The following RALGAPA2 variants were observed in gnomAD, a reference collection of about 807,000 sequenced individuals.
RALGAPA2 encodes the protein ral GTPase-activating protein subunit alpha-2.
A neutral mutation model predicts 230.4 loss-of-function variants in RALGAPA2; 139 were observed. The observed-to-expected ratio is 0.60, with a 90% CI of 0.53 to 0.69. The LOEUF is 0.69. Ranked by LOEUF, RALGAPA2 falls within the 30% of genes least tolerant of loss-of-function variation. RALGAPA2 has a pLI of 0.00. For missense variants in RALGAPA2, 2,163 were observed against 2,276.0 expected (o/e 0.95, Z 1.01); for synonymous variants, 847 against 837.8 (o/e 1.01, Z -0.19).
At chr20:20,642,315 A>G (rs973313079) in intron 5 of RALGAPA2, among the ~76,000 whole-genome samples, 11 of 152,100 alleles carry the variant, frequency 7.2e-5, no homozygotes, top group Middle Eastern at 3.4e-3. Flanking sequence ...GGTGGAAGCA[A>G]TTCTCCTGCC....
At chr20:20,677,628 C>CCTT (rs1568741580) in intron 2 of RALGAPA2, among the ~76,000 whole-genome samples, 1 of 121,840 alleles carries the variant, frequency 8.2e-6, no homozygotes, top group African/African-American at 3.4e-5. Context: ...TGATTTGACC[C>CCTT]ATTTTTTTTT....
intron 9 of RALGAPA2, 31 bp from the exon 10 acceptor site, chr20:20,629,621 T>C (rs2146418405): frequency 6.2e-7 from 1 of 1,604,076 alleles, no homozygotes; most frequent in Non-Finnish European, 8.5e-7. Flanking sequence ...TTCTCAATGA[T>C]GCTCACCCCC....
At chr20:20,604,332 G>A (rs2065751578) in intron 15 of RALGAPA2, among the ~76,000 whole-genome samples, 1 of 152,178 alleles carries the variant, frequency 6.6e-6, no homozygotes. Context: ...AACTACCACT[G>A]ATGTTTTCTA....
intron 23 of RALGAPA2, among the ~76,000 whole-genome samples, chr20:20,557,240 C>T (rs1267501829): frequency 2.0e-5 from 3 of 151,754 alleles, no homozygotes; most frequent in African/African-American, 7.3e-5. Context: ...ACCCAGGAGG[C>T]GGAGGTTGCA....
chr20:20,508,600 A>G (rs2062605038), intron 33 of RALGAPA2, among the ~76,000 whole-genome samples: 2 of 152,232 alleles, frequency 1.3e-5, no homozygotes, highest in African/African-American at 4.8e-5. Context: ...CAACTTTTCC[A>G]AAGAACATGT....
At position 20,712,610 on chromosome 20, in the gene RALGAPA2, G is replaced by C; in HGVS notation, c.-130C>G. 2 of 1,183,334 alleles carry C rather than the reference G, an allele frequency of 1.7e-6. No individual in the cohort carries two copies. The highest frequency in any genetic ancestry group is 2.1e-6 in the Non-Finnish European group (2 of 951,042). The allele number at this position is 1,183,334 out of a possible 1,614,324, so 73.3% of individuals were successfully genotyped here. ...CGCCCCCAGCCCCGCTGCTGCCGCCGCCGCCGCCGCCGCCGCCGCCTCAGC... is the reference window on the plus strand; with the variant it reads ...CGCCCCCAGCCCCGCTGCTGCCGCCCCCGCCGCCGCCGCCGCCGCCTCAGC... On this transcript the variant is annotated 5_prime_UTR_variant, in exon 1 of 40. Coordinates refer to ENST00000202677, the MANE Select transcript of RALGAPA2 (RefSeq NM_020343.4). This position sits in a 1 kb window ranked among gnomAD's most constrained non-coding sequence, Gnocchi z 5.5.
chr20:20,685,642 T>C (rs1187591598), intron 1 of RALGAPA2, among the ~76,000 whole-genome samples: 2 of 151,958 alleles, frequency 1.3e-5, no homozygotes, highest in South Asian at 2.1e-4. Context: ...GTCAGGAATA[T>C]AAAAGAAATA....
At chr20:20,646,332 G>A (rs755083480) in intron 4 of RALGAPA2, among the ~76,000 whole-genome samples, 5 of 152,126 alleles carry the variant, frequency 3.3e-5, no homozygotes, top group South Asian at 2.1e-4. Flanking sequence ...CCCTCTGTAG[G>A]TATTTTTTAA....
chr20:20,537,321 T>C (rs1175928199), intron 24 of RALGAPA2, among the ~76,000 whole-genome samples: 1 of 152,128 alleles, frequency 6.6e-6, no homozygotes, highest in Non-Finnish European at 1.5e-5. Flanking sequence ...GGATTAGGTA[T>C]ATATTTTAAA....
At chr20:20,565,529 TA>T in intron 23 of RALGAPA2, among the ~76,000 whole-genome samples, 1 of 152,326 alleles carries the variant, frequency 6.6e-6, no homozygotes, top group Admixed American at 6.5e-5. Context: ...ATTATTATAT[TA>T]TTCCATCATA....
intron 37 of RALGAPA2, among the ~76,000 whole-genome samples, chr20:20,415,663 G>A (rs1347287041): frequency 2.0e-5 from 3 of 152,114 alleles, no homozygotes; most frequent in South Asian, 4.1e-4. Flanking sequence ...GAGGTGGGAG[G>A]ATCACTTGAG....
At chr20:20,629,330 C>T (rs1232979773) in intron 10 of RALGAPA2, 33 bp downstream of exon 10, 2 of 924,642 alleles carry the variant, frequency 2.2e-6, no homozygotes, top group East Asian at 3.6e-5. Context: ...AACACACACA[C>T]ACACACACAC....
At chr20:20,510,304 T>C (rs1375009465) in intron 33 of RALGAPA2, among the ~76,000 whole-genome samples, 2 of 152,232 alleles carry the variant, frequency 1.3e-5, no homozygotes, top group Non-Finnish European at 2.9e-5. Flanking sequence ...GGCTCTGTTA[T>C]TTCCTTTCTT....
intron 23 of RALGAPA2, among the ~76,000 whole-genome samples, chr20:20,553,974 C>A (rs1316727087): frequency 6.6e-6 from 1 of 152,110 alleles, no homozygotes; most frequent in African/African-American, 2.4e-5. Flanking sequence ...TAAACTGCCT[C>A]CTTCTCTTGG....
At chr20:20,623,215 G>A (rs551825087) in intron 10 of RALGAPA2, among the ~76,000 whole-genome samples, 5 of 152,202 alleles carry the variant, frequency 3.3e-5, no homozygotes, top group South Asian at 2.1e-4. Context: ...AAAAGACTTC[G>A]CTGCAATTTA....
chr20:20,399,887 C>G (rs368969495), intron 38 of RALGAPA2, among the ~76,000 whole-genome samples: 25 of 152,322 alleles, frequency 1.6e-4, no homozygotes, highest in African/African-American at 6.0e-4. Flanking sequence ...GGACAAGAAA[C>G]GCTGCTGCCT....
intron 23 of RALGAPA2, among the ~76,000 whole-genome samples, chr20:20,556,304 G>T (rs1411160816): frequency 6.6e-6 from 1 of 152,164 alleles, no homozygotes; most frequent in South Asian, 2.1e-4. Context: ...ATCAAGAGGG[G>T]CTGCTGTCTT....
intron 16 of RALGAPA2, among the ~76,000 whole-genome samples, chr20:20,595,760 T>C (rs2065433994): frequency 1.3e-5 from 2 of 152,188 alleles, no homozygotes; most frequent in South Asian, 4.2e-4. Flanking sequence ...AAGACCAGCC[T>C]GGTCAACATG....
At chr20:20,554,767 G>A (rs892977467) in intron 23 of RALGAPA2, among the ~76,000 whole-genome samples, 2 of 152,216 alleles carry the variant, frequency 1.3e-5, no homozygotes, top group East Asian at 1.9e-4. Context: ...GCCTCCAAAC[G>A]TGTTGGGATA....
Sources: gnomAD v4.1 joint callset for allele counts (sites outside exome capture counted in the v4.1 genomes callset) on GRCh38, gnomAD v4.1.1 for gene constraint, Gnocchi (gnomAD v3.1) non-coding constraint, MANE v1.5 for transcripts, NCBI Gene and HGNC (gene_info 2026-07-23, HGNC 2026-07-21) for gene names.